The following HPSE2 variants were observed in gnomAD, a reference collection of about 807,000 sequenced individuals.
HPSE2 encodes inactive heparanase-2.
HPSE2 carries 38 observed loss-of-function variants against 60.5 expected under a neutral mutation model. The ratio of observed to expected loss-of-function variants is 0.63; its 90% confidence interval spans 0.48 to 0.82. The LOEUF is 0.82. Among genes scored for constraint, HPSE2 ranks in the 40% least tolerant of loss-of-function variants. The probability of loss-of-function intolerance (pLI) is 0.00; values close to 1 mark genes in which losing one functional copy is unlikely to be tolerated. For synonymous variants in HPSE2, 295 were observed against 293.2 expected (o/e 1.01, Z -0.06); for missense variants, 713 against 740.4 (o/e 0.96, Z 0.43).
the HPSE2 span, among the ~76,000 whole-genome samples, chr10:99,310,467 A>G: frequency 6.6e-6 from 1 of 152,238 alleles, no homozygotes; most frequent in Non-Finnish European, 1.5e-5. Context: ...ATTAACATCT[A>G]AAATTTTTCA....
chr10:99,099,369 C>T (rs1316843975), intron 3 of HPSE2, among the ~76,000 whole-genome samples: 1 of 152,196 alleles, frequency 6.6e-6, no homozygotes, highest in Non-Finnish European at 1.5e-5. Flanking sequence ...TCACAGGGAC[C>T]CATGCCCGTG....
chr10:98,772,416 A>G (rs1023155406), intron 3 of HPSE2, among the ~76,000 whole-genome samples: 1 of 152,182 alleles, frequency 6.6e-6, no homozygotes, highest in Non-Finnish European at 1.5e-5. Context: ...CAGATCCAGA[A>G]CCCTTTGACT....
rs567481291 is a variant in HPSE2, at chr10:99,140,269, G to C, written c.610+3969C>G. Among the ~76,000 whole-genome samples, 13 of 152,298 alleles carry C rather than the reference G, an allele frequency of 8.5e-5. No individual in the cohort carries two copies. In the South Asian group the frequency reaches 2.5e-3, roughly 29 times the overall value. ...AACCATTGGAATCTCAGTCCAGTTT[G>C]GAGTCTAATGACTGAATGAAGAGGT... is the stretch of plus-strand genomic sequence containing the variant. On this transcript the variant is annotated intron_variant, in intron 3 of 11. Coordinates refer to ENST00000370552, the MANE Select transcript of HPSE2 (RefSeq NM_021828.5).
chr10:98,688,470 TTTTTTTC>T lies in HPSE2; in HGVS notation c.1004+5423_1004+5429del, dbSNP rs1269016552. ...AAGAATTTCCTTTAGCATTTCTTTT[TTTTTTTC>T]TTTTTTTTTTTTTTTTGAGGCAGAA... is the stretch of plus-strand genomic sequence containing the variant. On this transcript the variant is annotated intron_variant, in intron 6 of 11. Transcript: ENST00000370552. 8.7e-4 allele frequency among the ~76,000 whole-genome samples: 111 copies of T among 126,908 alleles called. 9 individuals carry two copies. Among genetic ancestry groups the T allele is most frequent in the Non-Finnish European group, 1.3e-3 (79 of 61,566 alleles). 83.3% of individuals were successfully genotyped at this position (126,908 alleles called of 152,430 possible).
In HPSE2 at chr10:98,967,680, G is replaced by GA. The variant is rs576471164; in HGVS notation, c.610+176557dup. ...TCAGACAGACTCTAAGCTTAGTTTG[G>GA]AAAAAAAAATAATTTAAATAATGAA... On this transcript the variant is annotated intron_variant, in intron 3 of 11. Transcript: ENST00000370552. Among the ~76,000 whole-genome samples, 237 of 150,492 alleles carry GA rather than the reference G, an allele frequency of 1.6e-3. 1 individual carries two copies. Among genetic ancestry groups the GA allele is most frequent in the Middle Eastern group, 3.4e-3 (1 of 292 alleles).
chr10:98,977,602 A>G (rs1233274293), intron 3 of HPSE2, among the ~76,000 whole-genome samples: 1 of 152,190 alleles, frequency 6.6e-6, no homozygotes, highest in Non-Finnish European at 1.5e-5. Flanking sequence ...CTGGCAAGCA[A>G]GTCCACTTAA....
At chr10:99,183,862 G>A (rs1847872044) in intron 2 of HPSE2, among the ~76,000 whole-genome samples, 1 of 152,162 alleles carries the variant, frequency 6.6e-6, no homozygotes, top group Non-Finnish European at 1.5e-5. Flanking sequence ...TAACACGTAA[G>A]GCACTGAGTA....
chr10:98,713,829 T>C (rs1172868275), intron 5 of HPSE2, among the ~76,000 whole-genome samples: 2 of 151,972 alleles, frequency 1.3e-5, no homozygotes, highest in Non-Finnish European at 1.5e-5. Flanking sequence ...GCAAATTCCA[T>C]GTGCTTGGTT....
intron 3 of HPSE2, among the ~76,000 whole-genome samples, chr10:99,085,025 A>G (rs2135582813): frequency 6.6e-6 from 1 of 152,232 alleles, no homozygotes; most frequent in Non-Finnish European, 1.5e-5. Flanking sequence ...CACTTCTATT[A>G]CCTTTCTCCT....
chr10:99,039,395 G>C (rs1042663944), intron 3 of HPSE2, among the ~76,000 whole-genome samples: 1 of 151,878 alleles, frequency 6.6e-6, no homozygotes, highest in Non-Finnish European at 1.5e-5. Context: ...TTTTAAAATA[G>C]GAATACTTGC....
At chr10:99,251,862 CAAAAAAAAA>C in the HPSE2 span, among the ~76,000 whole-genome samples, 15 of 57,288 alleles carry the variant, frequency 2.6e-4, no homozygotes, top group African/African-American at 5.1e-4. Context: ...CTCTCTCTAC[CAAAAAAAAA>C]AAAAAAAAAA....
At position 99,183,103 on chromosome 10, in the gene HPSE2, T is replaced by C. The variant is rs148720025; in HGVS notation, c.449-38704A>G. Among the ~76,000 whole-genome samples the C allele has an allele frequency of 3.2e-3, 484 of 152,278 alleles. 2 individuals are homozygous for C. Among genetic ancestry groups the C allele is most frequent in the Non-Finnish European group, 5.6e-3 (383 of 68,018 alleles). On this transcript the variant is annotated intron_variant, in intron 2 of 11. Coordinates refer to ENST00000370552, the MANE Select transcript of HPSE2 (RefSeq NM_021828.5). ...AGCCCTATGAGTACCCCCACCTCAA[T>C]GCCTACAGACAGTTTTCAGACTGTA...
At chr10:99,232,802 G>T (rs910524310) in intron 1 of HPSE2, among the ~76,000 whole-genome samples, 1 of 152,268 alleles carries the variant, frequency 6.6e-6, no homozygotes, top group Non-Finnish European at 1.5e-5. Context: ...TGTTCATAGA[G>T]TGTTTGTATG....
intron 3 of HPSE2, among the ~76,000 whole-genome samples, chr10:98,795,059 G>GGAAGGAAGGAAGGAAGGAAGGAAA (rs1950748141): frequency 1.4e-5 from 2 of 146,994 alleles, no homozygotes; most frequent in African/African-American, 5.2e-5. Context: ...AAGGAAGGAA[G>GGAAGGAAGGAAGGAAGGAAGGAAA]GAAGGAAAGA....
chr10:98,679,303 A>G (rs1336652994), intron 6 of HPSE2, among the ~76,000 whole-genome samples: 2 of 152,326 alleles, frequency 1.3e-5, no homozygotes, highest in East Asian at 3.9e-4. Flanking sequence ...CCCCTTCAGT[A>G]GTCCTTGAGA....
At chr10:99,062,303 C>T (rs1207503593) in intron 3 of HPSE2, among the ~76,000 whole-genome samples, 1 of 152,078 alleles carries the variant, frequency 6.6e-6, no homozygotes, top group East Asian at 1.9e-4. Flanking sequence ...TGTCCAACTC[C>T]AGGTGACAGA....
At chr10:99,121,024 T>C (rs572442964) in intron 3 of HPSE2, among the ~76,000 whole-genome samples, 2 of 152,328 alleles carry the variant, frequency 1.3e-5, no homozygotes, top group Admixed American at 1.3e-4. Flanking sequence ...ATTGCAGCAC[T>C]ATTTACAATA....
chr10:99,274,261 C>A, the HPSE2 span, among the ~76,000 whole-genome samples: 2 of 152,082 alleles, frequency 1.3e-5, no homozygotes, highest in African/African-American at 2.4e-5. Flanking sequence ...GCAGGAGAAT[C>A]GTTTGAACCT....
chr10:98,542,387 G>A (rs1235403600), intron 9 of HPSE2, among the ~76,000 whole-genome samples: 30 of 152,156 alleles, frequency 2.0e-4, no homozygotes, highest in Admixed American at 4.6e-4. Context: ...AAAAAACAGA[G>A]CAGAAAAACT....
Sources: allele counts gnomAD v4.1 joint callset (sites outside exome capture counted in the v4.1 genomes callset), GRCh38; gene constraint gnomAD v4.1.1; transcripts MANE v1.5; gene names NCBI Gene and HGNC (gene_info 2026-07-23, HGNC 2026-07-21).